MIPEP: variants seen among roughly 807,000 people sequenced by gnomAD.
MIPEP encodes the protein mitochondrial intermediate peptidase.
In MIPEP, 79 loss-of-function variants were observed where a neutral mutation model predicts 90.3. The observed-to-expected ratio is 0.87, with a 90% CI of 0.73 to 1.05. MIPEP has a LOEUF of 1.05. Ranked by LOEUF, MIPEP falls within the 50% of genes least tolerant of loss-of-function variation. The probability of loss-of-function intolerance (pLI) is 0.00; values close to 1 mark genes in which losing one functional copy is unlikely to be tolerated. For missense variants in MIPEP, 940 were observed against 905.6 expected (o/e 1.04, Z -0.49); for synonymous variants, 334 against 315.8 (o/e 1.06, Z -0.61).
At chr13:23,776,238 C>T (rs1358550366) in intron 16 of MIPEP, among the ~76,000 whole-genome samples, 1 of 152,152 alleles carries the variant, frequency 6.6e-6, no homozygotes, top group African/African-American at 2.4e-5. Flanking sequence ...ACATAAAGAA[C>T]TCTTCAGGAC....
intron 14 of MIPEP, 45 bp downstream of exon 14, chr13:23,836,195 A>G (rs1457808920): frequency 7.8e-7 from 1 of 1,281,760 alleles, no homozygotes; most frequent in Non-Finnish European, 1.1e-6. Flanking sequence ...ATAAACGCCA[A>G]CTATCACAAC....
At chr13:23,862,179 C>A in intron 9 of MIPEP, 123 bp downstream of exon 9, 2 of 658,294 alleles carry the variant, frequency 3.0e-6, no homozygotes, top group Non-Finnish European at 2.7e-6. Context: ...TCACCAAAAC[C>A]GAGGATCAGA....
intron 16 of MIPEP, among the ~76,000 whole-genome samples, chr13:23,769,552 G>A (rs1952628083): frequency 6.6e-6 from 1 of 152,192 alleles, no homozygotes. Flanking sequence ...TTGCACACAA[G>A]TGTGCAAGGA....
chr13:23,826,777 A>C (rs1868470950), intron 14 of MIPEP, among the ~76,000 whole-genome samples: 1 of 152,252 alleles, frequency 6.6e-6, no homozygotes, highest in Non-Finnish European at 1.5e-5. Context: ...TAATAAAAGT[A>C]GGAAGTAACA....
intron 8 of MIPEP, among the ~76,000 whole-genome samples, chr13:23,863,319 G>A (rs972929290): frequency 6.6e-6 from 1 of 152,180 alleles, no homozygotes; most frequent in African/African-American, 2.4e-5. Context: ...GAGCAGGGGA[G>A]GGGCAGGGGA....
At chr13:23,743,256 C>CA (rs1565978856) in intron 18 of MIPEP, among the ~76,000 whole-genome samples, 1 of 146,126 alleles carries the variant, frequency 6.8e-6, no homozygotes, top group Non-Finnish European at 1.5e-5. Context: ...ATTGTAGCTA[C>CA]AAAGGCTAGC....
chr13:23,734,152 A>G (rs897331570), intron 18 of MIPEP, among the ~76,000 whole-genome samples: 2 of 152,192 alleles, frequency 1.3e-5, no homozygotes, highest in Non-Finnish European at 2.9e-5. Context: ...TAATTAAGAC[A>G]TGGCTTTCCA....
intron 7 of MIPEP, 53 bp from the exon 8 acceptor site, chr13:23,864,242 A>C: frequency 8.3e-7 from 1 of 1,200,714 alleles, no homozygotes; most frequent in Non-Finnish European, 1.2e-6. Context: ...TAAAATGAAC[A>C]TATCTGTTAA....
In MIPEP at chr13:23,882,902, A is replaced by G. The variant is rs772800587; in HGVS notation, c.364-1115T>C. Among the ~76,000 whole-genome samples, 476 of 152,238 alleles carry G rather than the reference A, an allele frequency of 3.1e-3. 6 individuals carry two copies. Among genetic ancestry groups the G allele is most frequent in the Non-Finnish European group, 4.7e-3 (320 of 67,996 alleles). ...CTAATCTACGGGTTGTGAATTTATAATCAATATTAAAATTCAAAACACTAG... is the reference window on the plus strand; with the variant it reads ...CTAATCTACGGGTTGTGAATTTATAGTCAATATTAAAATTCAAAACACTAG... On this transcript the variant is annotated intron_variant, in intron 2 of 18. Transcript: ENST00000382172.
At chr13:23,760,035 G>A in intron 17 of MIPEP, 61 bp downstream of exon 17, 3 of 1,605,908 alleles carry the variant, frequency 1.9e-6, no homozygotes, top group Non-Finnish European at 2.6e-6. Flanking sequence ...ACTTCCAGAT[G>A]TAATAGAGTG....
At chr13:23,806,714 CTATATCTA>C (rs1176408299) in intron 15 of MIPEP, among the ~76,000 whole-genome samples, 1 of 120,374 alleles carries the variant, frequency 8.3e-6, no homozygotes, top group African/African-American at 3.1e-5. Flanking sequence ...ACAAAAAAAT[CTATATCTA>C]TCTATCTATC....
chr13:23,851,235 G>C (rs1048368522), intron 10 of MIPEP, among the ~76,000 whole-genome samples: 1 of 152,192 alleles, frequency 6.6e-6, no homozygotes, highest in Admixed American at 6.5e-5. Context: ...CAGGTATTTT[G>C]AGTCTCACTC....
intron 14 of MIPEP, among the ~76,000 whole-genome samples, chr13:23,819,779 C>A (rs1015734786): frequency 5.3e-5 from 8 of 151,918 alleles, no homozygotes; most frequent in African/African-American, 1.7e-4. Flanking sequence ...GAGGCCAAGG[C>A]CAGTGGATCA....
At chr13:23,888,644 T>C (rs1871632427) in intron 1 of MIPEP, 5 of 891,486 alleles carry the variant, frequency 5.6e-6, no homozygotes, top group Non-Finnish European at 6.7e-6. Context: ...AATTAATTAA[T>C]AGATGATGGA....
chr13:23,869,063 T>C (rs756405155), intron 7 of MIPEP, among the ~76,000 whole-genome samples: 1 of 152,260 alleles, frequency 6.6e-6, no homozygotes, highest in African/African-American at 2.4e-5. Context: ...ATTTAGGTTA[T>C]GATTTTACTC....
intron 7 of MIPEP, among the ~76,000 whole-genome samples, chr13:23,866,938 T>G (rs182248118): frequency 3.3e-5 from 5 of 152,282 alleles, no homozygotes; most frequent in Admixed American, 3.3e-4. Flanking sequence ...GTCGAAAATG[T>G]TGGCTCCCTC....
chr13:23,798,804 T>C (rs1952995084), intron 16 of MIPEP, among the ~76,000 whole-genome samples: 1 of 152,114 alleles, frequency 6.6e-6, no homozygotes, highest in Admixed American at 6.6e-5. Context: ...GTAAACTTCC[T>C]GAGGCCTTCC....
intron 18 of MIPEP, among the ~76,000 whole-genome samples, chr13:23,740,805 G>A (rs1952319086): frequency 6.6e-6 from 1 of 152,240 alleles, no homozygotes; most frequent in Admixed American, 6.5e-5. Context: ...GTGGCAGGAG[G>A]TGTGAGGGGG....
At chr13:23,815,939 ATC>A (rs1183930031) in intron 14 of MIPEP, among the ~76,000 whole-genome samples, 37 of 152,150 alleles carry the variant, frequency 2.4e-4, no homozygotes, top group Admixed American at 2.2e-3. Context: ...TAATCAGAAA[ATC>A]TCTCTCTTCT....
Sources: gnomAD v4.1 joint callset for allele counts (sites outside exome capture counted in the v4.1 genomes callset) on GRCh38, gnomAD v4.1.1 for gene constraint, MANE v1.5 for transcripts, NCBI Gene and HGNC (gene_info 2026-07-23, HGNC 2026-07-21) for gene names.